KCNH7: variants seen among roughly 807,000 people sequenced by gnomAD.
KCNH7 encodes the protein potassium voltage-gated channel subfamily H member 7, also known as voltage-gated inwardly rectifying potassium channel KCNH7.
A neutral mutation model predicts 120.8 loss-of-function variants in KCNH7; 49 were observed. The observed-to-expected ratio is 0.41, with a 90% confidence interval of 0.32 to 0.51. KCNH7 has a LOEUF of 0.51. Ranked by LOEUF, KCNH7 falls within the 20% of genes least tolerant of loss-of-function variation. The probability of loss-of-function intolerance (pLI) is 0.38; values close to 1 mark genes in which losing one functional copy is unlikely to be tolerated. For synonymous variants in KCNH7, 547 were observed against 516.1 expected (o/e 1.06, Z -0.81); for missense variants, 1,097 against 1,446.6 (o/e 0.76, Z 3.92).
intron 7 of KCNH7, among the ~76,000 whole-genome samples, chr2:162,442,005 T>A (rs199985689): frequency 2.3e-5 from 2 of 85,300 alleles, no homozygotes; most frequent in Admixed American, 3.0e-4. Flanking sequence ...TCTTCTTTTT[T>A]TTTTTTTTTT....
chr2:162,419,967 T>C (rs955512209), intron 9 of KCNH7, among the ~76,000 whole-genome samples: 3 of 152,172 alleles, frequency 2.0e-5, no homozygotes, highest in Non-Finnish European at 2.9e-5. Flanking sequence ...AAAAAAAATA[T>C]CTCTTCACTC....
intron 7 of KCNH7, among the ~76,000 whole-genome samples, chr2:162,439,921 T>C (rs1416206559): frequency 6.6e-6 from 1 of 151,752 alleles, no homozygotes; most frequent in African/African-American, 2.4e-5. Flanking sequence ...TTGTTTTTTG[T>C]AGATATTTTA....
chr2:162,747,381 G>GCATCT (rs1398714762), intron 2 of KCNH7, among the ~76,000 whole-genome samples: 5 of 152,170 alleles, frequency 3.3e-5, no homozygotes, highest in African/African-American at 1.2e-4. Flanking sequence ...ACAGAAGGCA[G>GCATCT]CATCTCATTT....
chr2:162,688,379 G>A (rs976206740), intron 2 of KCNH7, among the ~76,000 whole-genome samples: 24 of 152,002 alleles, frequency 1.6e-4, no homozygotes, highest in Admixed American at 2.0e-4. Context: ...CCATAACTGC[G>A]TAGTTGTACA....
chr2:162,779,334 G>C (rs1210077627), intron 2 of KCNH7, among the ~76,000 whole-genome samples: 1 of 151,936 alleles, frequency 6.6e-6, no homozygotes, highest in African/African-American at 2.4e-5. Flanking sequence ...CTGAGTAGTT[G>C]GGACTACAGG....
At chr2:162,799,949 T>TACACACAC (rs3052920) in intron 2 of KCNH7, among the ~76,000 whole-genome samples, 111 of 146,424 alleles carry the variant, frequency 7.6e-4, no homozygotes, top group African/African-American at 2.3e-3. Context: ...TTTACACACA[T>TACACACAC]ACACACACAC....
At chr2:162,379,111 A>G (rs2105400388) in intron 14 of KCNH7, among the ~76,000 whole-genome samples, 1 of 152,306 alleles carries the variant, frequency 6.6e-6, no homozygotes, top group African/African-American at 2.4e-5. Context: ...AGAGCATTTT[A>G]ATTTAGTCAG....
At chr2:162,519,175 C>A (rs1027270329) in intron 3 of KCNH7, among the ~76,000 whole-genome samples, 1 of 151,524 alleles carries the variant, frequency 6.6e-6, no homozygotes, top group Non-Finnish European at 1.5e-5. Flanking sequence ...TGGACAATAT[C>A]TATTAAAGTG....
chr2:162,522,002 A>G (rs1049519732), intron 3 of KCNH7, among the ~76,000 whole-genome samples: 1 of 151,888 alleles, frequency 6.6e-6, no homozygotes, highest in East Asian at 1.9e-4. Flanking sequence ...CCACGAGTAC[A>G]TTCAACATTA....
At chr2:162,772,039 A>G (rs1357950105) in intron 2 of KCNH7, 6 of 152,194 alleles carry the variant, frequency 3.9e-5, no homozygotes, top group Non-Finnish European at 7.4e-5. Flanking sequence ...AGAAGAACCT[A>G]GATCCATCAT....
At chr2:162,576,253 A>C (rs965093576) in intron 2 of KCNH7, among the ~76,000 whole-genome samples, 3 of 152,104 alleles carry the variant, frequency 2.0e-5, no homozygotes, top group African/African-American at 7.2e-5. Flanking sequence ...TTGAGGCTAA[A>C]AATTAGAAAG....
chr2:162,667,301 G>A (rs1388372301), intron 2 of KCNH7, among the ~76,000 whole-genome samples: 3 of 151,988 alleles, frequency 2.0e-5, no homozygotes, highest in African/African-American at 2.4e-5. Flanking sequence ...AATTACAGGC[G>A]TGAGCCACCA....
At chr2:162,623,498 A>G (rs1683434732) in intron 2 of KCNH7, among the ~76,000 whole-genome samples, 1 of 152,186 alleles carries the variant, frequency 6.6e-6, no homozygotes, top group African/African-American at 2.4e-5. Flanking sequence ...ACTGCTTTTT[A>G]TATGGGGTCT....
rs533151484 is a variant in KCNH7, at chr2:162,633,833, A to C, written c.308-96753T>G. 3.3e-5 allele frequency among the ~76,000 whole-genome samples: 5 copies of C among 152,114 alleles called. No homozygotes were observed. In the South Asian group the frequency reaches 1.0e-3, roughly 32 times the overall value. ...AATCTTTTTATTCTTATTTTTCAAA[A>C]ATTTCCTAGAAATTCTCCACAGGCC... On this transcript the variant is annotated intron_variant, in intron 2 of 15. Transcript: ENST00000332142.
intron 2 of KCNH7, among the ~76,000 whole-genome samples, chr2:162,809,405 T>C (rs1684654898): frequency 6.6e-6 from 1 of 152,186 alleles, no homozygotes; most frequent in Admixed American, 6.5e-5. Context: ...CACTAATAAA[T>C]ATCAGAATGA....
At chr2:162,826,320 A>T (rs1400286161) in intron 2 of KCNH7, among the ~76,000 whole-genome samples, 2 of 152,096 alleles carry the variant, frequency 1.3e-5, no homozygotes, top group African/African-American at 4.8e-5. Flanking sequence ...TTATATTATT[A>T]TGAGAACATG....
chr2:162,391,007 C>T (rs1341715408), intron 12 of KCNH7, among the ~76,000 whole-genome samples: 4 of 151,894 alleles, frequency 2.6e-5, no homozygotes, highest in East Asian at 2.0e-4. Context: ...GGATCAAAGC[C>T]GGCAAATTTG....
intron 2 of KCNH7, chr2:162,796,511 G>C (rs150599704): frequency 1.3e-5 from 2 of 152,250 alleles, no homozygotes; most frequent in East Asian, 3.9e-4. Flanking sequence ...AGCTAGTTTA[G>C]AGGTTCTTTC....
At chr2:162,807,307 T>G (rs1382407111) in intron 2 of KCNH7, among the ~76,000 whole-genome samples, 1 of 146,724 alleles carries the variant, frequency 6.8e-6, no homozygotes, top group African/African-American at 2.5e-5. Flanking sequence ...TGTGGTGCTG[T>G]GCAACTGTAG....
Sources: gnomAD v4.1 joint callset for allele counts (sites outside exome capture counted in the v4.1 genomes callset) on GRCh38, gnomAD v4.1.1 for gene constraint, MANE v1.5 for transcripts, NCBI Gene and HGNC (gene_info 2026-07-23, HGNC 2026-07-21) for gene names.